The following GABRA5 variants were observed in gnomAD, a reference collection of about 807,000 sequenced individuals.
GABRA5 encodes the protein gamma-aminobutyric acid type A receptor subunit alpha5, also known as gamma-aminobutyric acid receptor subunit alpha-5.
GABRA5 carries 18 observed loss-of-function variants against 47.3 expected under a neutral mutation model. The ratio of observed to expected loss-of-function variants is 0.38; its 90% CI spans 0.26 to 0.56. The LOEUF is 0.56. Among genes scored for constraint, GABRA5 ranks in the 20% least tolerant of loss-of-function variants. The pLI is 0.71. For synonymous variants in GABRA5, 237 were observed against 229.3 expected, an observed-to-expected ratio of 1.03 and a Z score of -0.30; for missense variants, 365 against 599.3, an observed-to-expected ratio of 0.61 and a Z score of 4.08.
rs528446747 is a variant in GABRA5 at position 26,867,596 on chromosome 15, G to C, written c.-140+485G>C. On this transcript the variant is annotated intron_variant, in intron 1 of 10. Transcript: ENST00000335625. The surrounding 1 kb of genome is among the most constrained non-coding windows in gnomAD (Gnocchi z 5.9). Reference sequence around the variant, plus strand: ...GGCGACTGCGGGGCTGAAGCCGGGCGCGGGAGAGAGCGGGGTCCGGGCGGC... The same window carrying C: ...GGCGACTGCGGGGCTGAAGCCGGGCCCGGGAGAGAGCGGGGTCCGGGCGGC... Among the ~76,000 whole-genome samples the C allele has an allele frequency of 0.037, 5,653 of 152,112 alleles. 151 individuals are homozygous for C. Among genetic ancestry groups the C allele is most frequent in the Non-Finnish European group, 0.053 (3,574 of 67,958 alleles).
chr15:26,913,568 G>C (rs1893650093), intron 6 of GABRA5, among the ~76,000 whole-genome samples: 1 of 152,102 alleles, frequency 6.6e-6, no homozygotes. Flanking sequence ...ATGAACAATA[G>C]CACTACTGTA....
intron 6 of GABRA5, 44 bp from the exon 7 acceptor site, chr15:26,914,759 A>G (rs770312781): frequency 6.8e-7 from 1 of 1,469,422 alleles, no homozygotes; most frequent in East Asian, 2.3e-5. Flanking sequence ...GTGAATGGCT[A>G]GAGTGAGAGA....
intron 6 of GABRA5, among the ~76,000 whole-genome samples, chr15:26,903,398 A>G (rs187870887): frequency 1.2e-4 from 18 of 152,202 alleles, no homozygotes; most frequent in African/African-American, 4.1e-4. Context: ...TGTATTGTGA[A>G]TTGTGCTATA....
At chr15:26,933,099 TAAA>T (rs34727225) in intron 7 of GABRA5, among the ~76,000 whole-genome samples, 17 of 143,684 alleles carry the variant, frequency 1.2e-4, no homozygotes, top group Admixed American at 1.4e-4. Context: ...TCCCGGAACT[TAAA>T]AAAAAAAAAA....
At chr15:26,933,151 C>T (rs1016483152) in intron 7 of GABRA5, among the ~76,000 whole-genome samples, 5 of 150,394 alleles carry the variant, frequency 3.3e-5, no homozygotes, top group Non-Finnish European at 4.4e-5. Context: ...GTTGAGCAGA[C>T]GAAGAACATG....
intron 7 of GABRA5, among the ~76,000 whole-genome samples, chr15:26,916,766 T>C (rs1893725959): frequency 6.6e-6 from 1 of 152,102 alleles, no homozygotes; most frequent in Admixed American, 6.5e-5. Flanking sequence ...TTTGTAGTTT[T>C]CAGTGTATAG....
At chr15:26,913,975 T>G (rs1893661669) in intron 6 of GABRA5, among the ~76,000 whole-genome samples, 1 of 152,132 alleles carries the variant, frequency 6.6e-6, no homozygotes, top group Admixed American at 6.5e-5. Context: ...ACTTTTCTTC[T>G]TTGTAAACTG....
intron 7 of GABRA5, among the ~76,000 whole-genome samples, chr15:26,921,420 T>C (rs1893839174): frequency 2.0e-5 from 3 of 152,168 alleles, no homozygotes; most frequent in South Asian, 4.1e-4. Context: ...ATAGTTGTTA[T>C]ATTACTGTCT....
chr15:26,888,052 G>A (rs539092774), intron 6 of GABRA5, among the ~76,000 whole-genome samples: 105 of 152,250 alleles, frequency 6.9e-4, no homozygotes, highest in Admixed American at 1.6e-3. Context: ...ACACACAATT[G>A]AGTGAGCTGG....
intron 7 of GABRA5, among the ~76,000 whole-genome samples, chr15:26,919,206 G>T (rs915344514): frequency 6.6e-6 from 1 of 152,098 alleles, no homozygotes; most frequent in Non-Finnish European, 1.5e-5. Context: ...AAACTCTCTT[G>T]TGTCTTTTGA....
intron 6 of GABRA5, among the ~76,000 whole-genome samples, chr15:26,914,577 C>T (rs1050957421): frequency 5.3e-5 from 8 of 152,222 alleles, no homozygotes; most frequent in African/African-American, 9.6e-5. Context: ...TATAGGTACA[C>T]ACCCTAAGCC....
chr15:26,944,959 C>G (rs554929647), intron 10 of GABRA5, among the ~76,000 whole-genome samples: 1 of 152,084 alleles, frequency 6.6e-6, no homozygotes, highest in African/African-American at 2.4e-5. Context: ...TGGGTGTCGC[C>G]GACACTGTCA....
chr15:26,894,117 C>T (rs529619642), intron 6 of GABRA5, among the ~76,000 whole-genome samples: 1 of 152,026 alleles, frequency 6.6e-6, no homozygotes, highest in Non-Finnish European at 1.5e-5. Context: ...CGCAGCGGCC[C>T]GGGCAGAAGC....
At chr15:26,930,352 C>T (rs1894070660) in intron 7 of GABRA5, among the ~76,000 whole-genome samples, 1 of 152,156 alleles carries the variant, frequency 6.6e-6, no homozygotes, top group African/African-American at 2.4e-5. Context: ...TCATTTCCCT[C>T]TCCTCCCATT....
rs144307795 is a variant in GABRA5 at position 26,897,341 on chromosome 15, C to T, written c.497+13784C>T. ...AGGAGAAGATTAGAACACGGGCACC[C>T]ACAGAAGGAAGACCATGCGAGGACA... On this transcript the variant is annotated intron_variant, in intron 6 of 10. Transcript: ENST00000335625. Among the ~76,000 whole-genome samples the T allele has an allele frequency of 3.5e-3, 530 of 152,184 alleles. 4 individuals are homozygous for T. Among genetic ancestry groups the T allele is most frequent in the African/African-American group, 0.012 (504 of 41,532 alleles).
chr15:26,941,137 C>T (rs1193015752), intron 9 of GABRA5, among the ~76,000 whole-genome samples: 3 of 152,168 alleles, frequency 2.0e-5, no homozygotes, highest in Non-Finnish European at 4.4e-5. Context: ...AAGAGTCCAG[C>T]TTCACTTACC....
At chr15:26,927,902 C>T (rs1000424452) in intron 7 of GABRA5, among the ~76,000 whole-genome samples, 1 of 152,194 alleles carries the variant, frequency 6.6e-6, no homozygotes, top group Non-Finnish European at 1.5e-5. Flanking sequence ...TTATTGGTAT[C>T]TCTACTCTTA....
intron 10 of GABRA5, among the ~76,000 whole-genome samples, chr15:26,946,063 C>T (rs1053919838): frequency 3.3e-5 from 5 of 152,334 alleles, no homozygotes; most frequent in African/African-American, 9.6e-5. Context: ...AGCTCCCGCA[C>T]GGTTTCCCCA....
At chr15:26,888,868 G>A (rs1203126728) in intron 6 of GABRA5, among the ~76,000 whole-genome samples, 2 of 152,152 alleles carry the variant, frequency 1.3e-5, no homozygotes, top group Middle Eastern at 3.2e-3. Context: ...AAGTCCCCCC[G>A]GTAGGCTCTT....
Sources: gnomAD v4.1 joint callset for allele counts (sites outside exome capture counted in the v4.1 genomes callset) on GRCh38, gnomAD v4.1.1 for gene constraint, Gnocchi (gnomAD v3.1) non-coding constraint, MANE v1.5 for transcripts, NCBI Gene and HGNC (gene_info 2026-07-23, HGNC 2026-07-21) for gene names.